LMBR1: variants seen among roughly 807,000 people sequenced by gnomAD.
LMBR1 encodes the protein limb region 1 protein homolog.
Under a neutral mutation model 73.9 loss-of-function variants are expected in LMBR1, and 52 were observed. The ratio of observed to expected loss-of-function variants is 0.70; its 90% CI spans 0.56 to 0.89. The LOEUF is 0.89. Among genes scored for constraint, LMBR1 ranks in the 40% least tolerant of loss-of-function variants. The probability of loss-of-function intolerance (pLI) is 0.00; values close to 1 mark genes in which losing one functional copy is unlikely to be tolerated. For missense variants in LMBR1, 539 were observed against 579.8 expected (o/e 0.93, Z 0.72); for synonymous variants, 215 against 209.4 (o/e 1.03, Z -0.23).
chr7:156,893,179 T>A lies in LMBR1; in HGVS notation c.-186A>T. 5.0e-6 allele frequency: 2 copies of A among 403,212 alleles called. No individual in the cohort carries two copies. Among genetic ancestry groups the A allele is most frequent in the South Asian group, 1.6e-4 (2 of 12,804 alleles). 25.0% of individuals were successfully genotyped at this position (403,212 alleles called of 1,614,324 possible). On this transcript the variant is annotated 5_prime_UTR_variant, in exon 1 of 17. Coordinates refer to ENST00000353442, the MANE Select transcript of LMBR1 (RefSeq NM_022458.4). ...CTCAGCAGCCTCAGACGAGCAGCTCTGACTAAGGGAGGGCGGGCGCCGCGC... is the reference window on the plus strand; with the variant it reads ...CTCAGCAGCCTCAGACGAGCAGCTCAGACTAAGGGAGGGCGGGCGCCGCGC...
intron 5 of LMBR1, among the ~76,000 whole-genome samples, chr7:156,780,171 T>A (rs1229207813): frequency 6.6e-6 from 1 of 152,194 alleles, no homozygotes; most frequent in Non-Finnish European, 1.5e-5. Context: ...TGTTTTTTAA[T>A]ATTAATATGC....
In LMBR1 at chr7:156,799,101, C is replaced by T. The variant is rs1328148576; in HGVS notation, c.320-2609G>A. ...CCTGTAGTCCCAGCTACTCAGGAGG[C>T]TGAGGCAGGAGAATTGCTTGAACCC... On this transcript the variant is annotated intron_variant, in intron 4 of 16. Coordinates refer to ENST00000353442, the MANE Select transcript of LMBR1 (RefSeq NM_022458.4). Among the ~76,000 whole-genome samples the T allele has an allele frequency of 1.2e-4, 18 of 151,584 alleles. No individual in the cohort carries two copies. The East Asian group carries it at 3.3e-3, about 28-fold the overall frequency.
At chr7:156,853,177 A>T (rs1285830675) in intron 1 of LMBR1, among the ~76,000 whole-genome samples, 1 of 152,080 alleles carries the variant, frequency 6.6e-6, no homozygotes, top group Non-Finnish European at 1.5e-5. Context: ...TGACCTCATG[A>T]TCTGCCCGCC....
intron 1 of LMBR1, among the ~76,000 whole-genome samples, chr7:156,866,793 G>A (rs549705000): frequency 3.0e-4 from 46 of 152,104 alleles, no homozygotes; most frequent in African/African-American, 8.7e-4. Context: ...TAGCAGAGAC[G>A]AGATTTCACC....
At chr7:156,675,724 G>A (rs1803789171), downstream of LMBR1, 1 of 1,613,346 alleles carries the variant, frequency 6.2e-7, no homozygotes, top group South Asian at 1.1e-5. Flanking sequence ...CGCATCCTGT[G>A]CTCATACAAC....
In LMBR1 at chr7:156,886,586, A is replaced by G. The variant is rs543239607; in HGVS notation, c.66+6342T>C. On this transcript the variant is annotated intron_variant, in intron 1 of 16. Transcript: ENST00000353442. The stretch of plus-strand genomic sequence containing the variant: ...GTTACTGAAATCAGTCTCTTGTCCA[A>G]TCAAAGCTATAGTTATGGCTTGTGG... Among the ~76,000 whole-genome samples, 7 of 152,350 alleles carry G rather than the reference A, an allele frequency of 4.6e-5. No individual in the cohort carries two copies. In the East Asian group the frequency reaches 9.6e-4, roughly 21 times the overall value.
chr7:156,755,395 G>A (rs1221240272), intron 9 of LMBR1, among the ~76,000 whole-genome samples: 8 of 152,070 alleles, frequency 5.3e-5, no homozygotes, highest in Non-Finnish European at 1.2e-4. Context: ...TCAATTCATG[G>A]GGCACTACAT....
intron 1 of LMBR1, among the ~76,000 whole-genome samples, chr7:156,840,456 A>G (rs1055022156): frequency 2.0e-5 from 3 of 152,044 alleles, no homozygotes; most frequent in East Asian, 1.9e-4. Context: ...GTCGGAGGCA[A>G]TAATGGCTCT....
intron 1 of LMBR1, among the ~76,000 whole-genome samples, chr7:156,891,497 G>C (rs1802979367): frequency 1.3e-5 from 2 of 152,006 alleles, no homozygotes; most frequent in Non-Finnish European, 1.5e-5. Context: ...TCAAAACTAA[G>C]CAAAAACTAA....
At chr7:156,892,756 A>G (rs1157243060) in intron 1 of LMBR1, among the ~76,000 whole-genome samples, 172 bp downstream of exon 1, 30 of 83,626 alleles carry the variant, frequency 3.6e-4, no homozygotes, top group Admixed American at 5.1e-4. Context: ...GTGGGGAGGG[A>G]AGGGGAGGGG....
intron 12 of LMBR1, among the ~76,000 whole-genome samples, chr7:156,727,376 TG>T: frequency 6.6e-6 from 1 of 152,156 alleles, no homozygotes. Context: ...TATAGTAAAA[TG>T]GGTTAAAAGT....
chr7:156,758,694 G>A (rs947063335), intron 8 of LMBR1, among the ~76,000 whole-genome samples: 1 of 152,144 alleles, frequency 6.6e-6, no homozygotes, highest in African/African-American at 2.4e-5. Flanking sequence ...GAAACTTCCT[G>A]AAGCACTAGC....
intron 1 of LMBR1, among the ~76,000 whole-genome samples, chr7:156,884,222 C>A (rs555251610): frequency 2.6e-5 from 4 of 152,262 alleles, no homozygotes; most frequent in African/African-American, 9.6e-5. Context: ...CACAGCTGGG[C>A]CTTGGTGTTG....
At position 156,836,689 on chromosome 7, in the gene LMBR1, G is replaced by C. The variant is rs112216864; in HGVS notation, c.139+124C>G. ...TTAGGTCTCCTAGTACCAGACAACT[G>C]CTTACTTCAATCACCGGCATATTCA... On this transcript the variant is annotated intron_variant, in intron 2 of 16. Transcript: ENST00000353442. 0.015 allele frequency: 8,744 copies of C among 569,674 alleles called. 94 individuals carry two copies. The highest frequency in any genetic ancestry group is 0.021 in the Non-Finnish European group (7,128 of 337,960). 35.3% of individuals were successfully genotyped at this position (569,674 alleles called of 1,614,324 possible). A position where few individuals can be genotyped will look rare whatever the true frequency, so the allele number is the denominator to read the frequency against.
At position 156,752,961 on chromosome 7, in the gene LMBR1, G is replaced by A. The variant is rs201704883; in HGVS notation, c.757+3432C>T. ...ACTGTGCAAGGAAGTAGGGGGATGG[G>A]GAAATGATGGGGGGTGAGAAAAAGG... On this transcript the variant is annotated intron_variant, in intron 9 of 16. Transcript: ENST00000353442. Among the ~76,000 whole-genome samples, 7 of 150,690 alleles carry A rather than the reference G, an allele frequency of 4.6e-5. No individual in the cohort carries two copies. The East Asian group carries it at 1.2e-3, about 25-fold the overall frequency.
chr7:156,675,640 C>A (rs1803738900), downstream of LMBR1: 1 of 1,528,390 alleles, frequency 6.5e-7, no homozygotes. Context: ...AGAGCGCTTC[C>A]CTGCAACCTC....
chr7:156,693,584 C>T (rs1301299781), intron 15 of LMBR1, among the ~76,000 whole-genome samples: 1 of 152,098 alleles, frequency 6.6e-6, no homozygotes, highest in Non-Finnish European at 1.5e-5. Flanking sequence ...TCTGCCCAGA[C>T]TAACTTTAGA....
rs1198587461 is a variant in LMBR1 at position 156,669,766 on chromosome 7, C to G, written n.867-479G>C. ...GGGCCATGGCTGGGCCCCTCCAGCACAGGCGCTTCCTGGGAGCCTCTGCAG... is the reference window on the plus strand; with the variant it reads ...GGGCCATGGCTGGGCCCCTCCAGCAGAGGCGCTTCCTGGGAGCCTCTGCAG... On this transcript the variant is annotated intron_variant and non_coding_transcript_variant, in intron 4 of 4. Coordinates refer to the LMBR1 transcript ENST00000430825. The surrounding 1 kb of genome is among the most constrained non-coding windows in gnomAD (Gnocchi z 4.2). Among the ~76,000 whole-genome samples the G allele has an allele frequency of 6.6e-6, 1 of 152,214 alleles. No individual in the cohort carries two copies. Among genetic ancestry groups the G allele is most frequent in the East Asian group, 1.9e-4 (1 of 5,184 alleles).
intron 9 of LMBR1, among the ~76,000 whole-genome samples, chr7:156,737,444 C>T (rs554995212): frequency 6.6e-6 from 1 of 152,188 alleles, no homozygotes; most frequent in Middle Eastern, 3.4e-3. Context: ...ACTAGATGAT[C>T]CCTTTCAATC....
Sources: gnomAD v4.1 joint callset for allele counts (sites outside exome capture counted in the v4.1 genomes callset) on GRCh38, gnomAD v4.1.1 for gene constraint, Gnocchi (gnomAD v3.1) non-coding constraint, MANE v1.5 for transcripts, NCBI Gene and HGNC (gene_info 2026-07-23, HGNC 2026-07-21) for gene names.